Variants in CSMD1 observed in about 807,000 individuals in gnomAD.
CSMD1 encodes the protein CUB and sushi domain-containing protein 1.
In CSMD1, 213 loss-of-function variants were observed where a neutral mutation model predicts 417.5. That is an observed-to-expected ratio of 0.51 (90% CI 0.46 to 0.57). The LOEUF is 0.57. Ranked by LOEUF, CSMD1 falls within the 20% of genes least tolerant of loss-of-function variation. The pLI, the probability that CSMD1 is intolerant of heterozygous loss-of-function variation, is 0.00. For missense variants in CSMD1, 6,923 were observed against 4,529.7 expected (o/e 1.53, Z -15.17); for synonymous variants, 2,862 against 1,736.8 (o/e 1.65, Z -16.11).
chr8:4,797,228 G>A (rs1389530551), intron 1 of CSMD1, among the ~76,000 whole-genome samples: 2 of 152,190 alleles, frequency 1.3e-5, no homozygotes, highest in Non-Finnish European at 2.9e-5. Context: ...CAATGAGGGA[G>A]ATGAGGTTTC....
chr8:3,928,789 C>T (rs1341205259), intron 5 of CSMD1, among the ~76,000 whole-genome samples: 1 of 144,408 alleles, frequency 6.9e-6, no homozygotes. Flanking sequence ...CCCGCCCACC[C>T]CCGGGCCAGT....
intron 2 of CSMD1, among the ~76,000 whole-genome samples, chr8:4,526,878 A>T (rs981162906): frequency 2.0e-5 from 3 of 152,114 alleles, no homozygotes; most frequent in African/African-American, 7.2e-5. Flanking sequence ...TTTAGCCATG[A>T]TTCCAGAAGA....
chr8:3,918,478 C>A (rs767894518), intron 5 of CSMD1, among the ~76,000 whole-genome samples: 1 of 152,004 alleles, frequency 6.6e-6, no homozygotes, highest in Non-Finnish European at 1.5e-5. Context: ...ACCTGTTGGA[C>A]GTTTGTATGT....
chr8:3,674,050 G>A (rs1158073774), intron 7 of CSMD1, among the ~76,000 whole-genome samples: 1 of 152,122 alleles, frequency 6.6e-6, no homozygotes, highest in Non-Finnish European at 1.5e-5. Context: ...AGGTTGCAAT[G>A]AGCCATGATA....
intron 2 of CSMD1, among the ~76,000 whole-genome samples, chr8:4,526,322 T>C (rs1796510152): frequency 6.6e-6 from 1 of 152,224 alleles, no homozygotes; most frequent in South Asian, 2.1e-4. Context: ...TCAGAAATAC[T>C]TTTGCAAAAT....
intron 11 of CSMD1, among the ~76,000 whole-genome samples, chr8:3,482,771 G>A (rs899318252): frequency 1.3e-5 from 2 of 152,140 alleles, no homozygotes; most frequent in African/African-American, 2.4e-5. Context: ...TGAAATCATA[G>A]AGAATTTGTT....
At chr8:4,846,062 G>C (rs1423463386) in intron 1 of CSMD1, among the ~76,000 whole-genome samples, 2 of 152,116 alleles carry the variant, frequency 1.3e-5, no homozygotes, top group African/African-American at 2.4e-5. Flanking sequence ...ATCCCGGTTT[G>C]TTGTGCTACG....
chr8:3,618,839 G>C (rs73491501), intron 7 of CSMD1, among the ~76,000 whole-genome samples: 5 of 152,214 alleles, frequency 3.3e-5, no homozygotes, highest in Non-Finnish European at 7.3e-5. Flanking sequence ...GTGCAGTTGA[G>C]AGGAAGCGGC....
rs1450736232 is a variant in CSMD1, at chr8:4,413,292, T to C, written c.415+6661A>G. ...GGCTGATCCTCAATGACACAGCTTC[T>C]CCTTGGGCTCTGTGCTTTTAACTAC... On this transcript the variant is annotated intron_variant, in intron 3 of 69. Transcript: ENST00000635120. 2.6e-5 allele frequency among the ~76,000 whole-genome samples: 4 copies of C among 152,306 alleles called. No individual in the cohort carries two copies. The East Asian group carries it at 5.8e-4, about 22-fold the overall frequency.
intron 1 of CSMD1, among the ~76,000 whole-genome samples, chr8:4,655,135 G>C (rs533700442): frequency 5.3e-5 from 8 of 151,598 alleles, no homozygotes; most frequent in Non-Finnish European, 8.8e-5. Flanking sequence ...GTCTTACTAA[G>C]ACAGTTTTGA....
chr8:3,868,738 T>G (rs1426885293), intron 5 of CSMD1, among the ~76,000 whole-genome samples: 1 of 152,194 alleles, frequency 6.6e-6, no homozygotes, highest in Non-Finnish European at 1.5e-5. Context: ...CCCTCTGCTC[T>G]CTCAACCCAC....
At chr8:4,502,653 T>G (rs879288701) in intron 2 of CSMD1, among the ~76,000 whole-genome samples, 1 of 152,204 alleles carries the variant, frequency 6.6e-6, no homozygotes, top group Non-Finnish European at 1.5e-5. Flanking sequence ...TATTAATTTT[T>G]AACTATAGCA....
intron 3 of CSMD1, among the ~76,000 whole-genome samples, chr8:4,298,875 G>C (rs1797829005): frequency 1.3e-5 from 2 of 151,796 alleles, no homozygotes; most frequent in African/African-American, 2.4e-5. Flanking sequence ...TCTTTAATTA[G>C]ACTTAAATGA....
intron 33 of CSMD1, among the ~76,000 whole-genome samples, chr8:3,191,884 G>T (rs541191146): frequency 6.6e-6 from 1 of 152,178 alleles, no homozygotes. Context: ...CTCAGTCCTT[G>T]TGTTTCTTCA....
chr8:4,311,214 G>C (rs1246542800), intron 3 of CSMD1, among the ~76,000 whole-genome samples: 2 of 152,148 alleles, frequency 1.3e-5, no homozygotes, highest in African/African-American at 2.4e-5. Context: ...GTTCATTATA[G>C]CACCGTTCAC....
chr8:4,812,618 T>C (rs898334712), intron 1 of CSMD1, among the ~76,000 whole-genome samples: 2 of 152,154 alleles, frequency 1.3e-5, no homozygotes, highest in Non-Finnish European at 2.9e-5. Flanking sequence ...AAAACCTACA[T>C]ACAATATTTT....
At chr8:3,478,556 A>C (rs551350296) in intron 11 of CSMD1, among the ~76,000 whole-genome samples, 1 of 152,320 alleles carries the variant, frequency 6.6e-6, no homozygotes, top group South Asian at 2.1e-4. Context: ...AGACCAGAGA[A>C]ACAGCAGAGC....
intron 5 of CSMD1, among the ~76,000 whole-genome samples, chr8:3,856,227 G>C (rs541053489): frequency 1.3e-5 from 2 of 152,078 alleles, no homozygotes; most frequent in South Asian, 4.2e-4. Context: ...AAAGCTGTTT[G>C]TGTAGCACCT....
At chr8:3,281,412 C>A (rs780274195) in intron 26 of CSMD1, among the ~76,000 whole-genome samples, 4 of 152,048 alleles carry the variant, frequency 2.6e-5, no homozygotes, top group African/African-American at 9.7e-5. Context: ...CCACTGCACT[C>A]CAGCCTGGGC....
Sources: allele counts gnomAD v4.1 joint callset (sites outside exome capture counted in the v4.1 genomes callset), GRCh38; gene constraint gnomAD v4.1.1; transcripts MANE v1.5; gene names NCBI Gene and HGNC (gene_info 2026-07-23, HGNC 2026-07-21).